Variants in CHST9 observed in about 807,000 individuals in gnomAD.
CHST9 encodes the protein GalNAc-4-sulfotransferase 2.
In CHST9, 41 loss-of-function variants were observed where a neutral mutation model predicts 44.4. That is an observed-to-expected ratio of 0.92 (90% CI 0.72 to 1.20). The LOEUF is 1.20. CHST9 is among the 50% of genes most tolerant of loss of function. CHST9 has a pLI of 0.00. For synonymous variants in CHST9, 171 were observed against 178.4 expected (o/e 0.96, Z 0.33); for missense variants, 504 against 516.5 (o/e 0.98, Z 0.23).
intron 1 of CHST9, among the ~76,000 whole-genome samples, chr18:27,172,856 T>C (rs2058843201): frequency 6.6e-6 from 1 of 152,050 alleles, no homozygotes; most frequent in African/African-American, 2.4e-5. Context: ...ACATGATATA[T>C]TGTATGTTAA....
chr18:26,922,803 T>G (rs1177327161), intron 5 of CHST9, among the ~76,000 whole-genome samples: 4 of 151,946 alleles, frequency 2.6e-5, no homozygotes, highest in Non-Finnish European at 5.9e-5. Flanking sequence ...ACCCGGCTAA[T>G]TTTTGTATTT....
intron 2 of CHST9, among the ~76,000 whole-genome samples, chr18:27,059,718 G>A (rs1398586584): frequency 6.6e-6 from 1 of 152,166 alleles, no homozygotes; most frequent in African/African-American, 2.4e-5. Flanking sequence ...ACTGGTGGAG[G>A]CCAGAGGTGA....
intron 2 of CHST9, among the ~76,000 whole-genome samples, chr18:27,062,626 T>A (rs550984901): frequency 6.6e-6 from 1 of 152,330 alleles, no homozygotes; most frequent in South Asian, 2.1e-4. Context: ...AACACACGTA[T>A]GCATGTGTCT....
intron 4 of CHST9, among the ~76,000 whole-genome samples, chr18:26,949,249 G>C (rs977547649): frequency 1.3e-5 from 2 of 152,196 alleles, no homozygotes; most frequent in Admixed American, 1.3e-4. Context: ...TTCTGAAGTA[G>C]GTTCTGGAGA....
At chr18:27,082,217 T>C (rs749228766) in intron 2 of CHST9, among the ~76,000 whole-genome samples, 17 of 152,240 alleles carry the variant, frequency 1.1e-4, no homozygotes, top group Non-Finnish European at 2.1e-4. Context: ...TTTTTAGTAC[T>C]GTCAAAATAA....
At chr18:27,171,241 A>G (rs2058831516) in intron 1 of CHST9, among the ~76,000 whole-genome samples, 1 of 152,184 alleles carries the variant, frequency 6.6e-6, no homozygotes, top group African/African-American at 2.4e-5. Flanking sequence ...ATGGAAAACA[A>G]TCAAAAAGTG....
At chr18:27,172,480 A>G (rs2058840697) in intron 1 of CHST9, among the ~76,000 whole-genome samples, 1 of 151,902 alleles carries the variant, frequency 6.6e-6, no homozygotes, top group South Asian at 2.1e-4. Context: ...CTGTTATATT[A>G]TTACCTTTAT....
At chr18:26,942,034 G>A (rs1338083264) in intron 5 of CHST9, among the ~76,000 whole-genome samples, 1 of 151,444 alleles carries the variant, frequency 6.6e-6, no homozygotes, top group Non-Finnish European at 1.5e-5. Flanking sequence ...AGGATTTAGC[G>A]GCAAGATTAA....
At chr18:27,115,516 CT>C (rs1193582791) in intron 2 of CHST9, among the ~76,000 whole-genome samples, 2 of 151,976 alleles carry the variant, frequency 1.3e-5, no homozygotes, top group East Asian at 3.9e-4. Flanking sequence ...TTTTGGCATA[CT>C]TGTTATCTTG....
rs1447685690 is a variant in CHST9, at chr18:26,915,010, T to C, written c.*1249A>G. 11 of 397,976 alleles carry C rather than the reference T, an allele frequency of 2.8e-5. No individual in the cohort carries two copies. In the Admixed American group the frequency reaches 4.4e-4, roughly 16 times the overall value. 24.7% of individuals were successfully genotyped at this position (397,976 alleles called of 1,614,324 possible). A position where few individuals can be genotyped will look rare whatever the true frequency, so the allele number is the denominator to read the frequency against. On this transcript the variant is annotated 3_prime_UTR_variant, in exon 6 of 6. Transcript: ENST00000618847. ...CCCAAGGGATCTAATTTAGGATCCC[T>C]TGGAAAAAAATTCCAAAATGCATTA...
At chr18:27,030,781 G>A (rs1309384133) in intron 3 of CHST9, among the ~76,000 whole-genome samples, 1 of 152,192 alleles carries the variant, frequency 6.6e-6, no homozygotes, top group Non-Finnish European at 1.5e-5. Flanking sequence ...GAAAAGGGGT[G>A]GAGGGCCTGA....
At chr18:26,975,850 G>T (rs2145181194) in intron 4 of CHST9, among the ~76,000 whole-genome samples, 1 of 149,920 alleles carries the variant, frequency 6.7e-6, no homozygotes, top group Admixed American at 6.8e-5. Flanking sequence ...TGAGGGAGGG[G>T]CACTGCAGAG....
At chr18:27,075,109 C>T in intron 2 of CHST9, among the ~76,000 whole-genome samples, 1 of 150,180 alleles carries the variant, frequency 6.7e-6, no homozygotes, top group African/African-American at 2.4e-5. Context: ...GCCTCTTTGA[C>T]TAGCGTATAT....
rs562443213 is a variant in CHST9, at chr18:27,080,539, C to T, written c.122-32036G>A. ...AATTTTACTTTTGTATTCTTTGGCA[C>T]CTCATGCTGAGTTGCATATAATAGG... On this transcript the variant is annotated intron_variant, in intron 2 of 5. Coordinates refer to ENST00000618847, the MANE Select transcript of CHST9 (RefSeq NM_031422.6). 5.3e-5 allele frequency among the ~76,000 whole-genome samples: 8 copies of T among 152,210 alleles called. No individual in the cohort carries two copies. In the East Asian group the frequency reaches 1.2e-3, roughly 22 times the overall value.
intron 5 of CHST9, among the ~76,000 whole-genome samples, chr18:26,936,966 C>T (rs2056004253): frequency 6.6e-6 from 1 of 152,172 alleles, no homozygotes; most frequent in Admixed American, 6.5e-5. Flanking sequence ...CACAATGACA[C>T]TGTTATTACT....
chr18:27,000,623 T>TCTAC (rs1555675556), intron 4 of CHST9, among the ~76,000 whole-genome samples: 1 of 10,724 alleles, frequency 9.3e-5, no homozygotes, highest in South Asian at 1.9e-3. Context: ...ATTTGTTTTG[T>TCTAC]CTATCTATCT....
At chr18:27,130,870 T>C (rs1267129384) in intron 2 of CHST9, among the ~76,000 whole-genome samples, 1 of 152,174 alleles carries the variant, frequency 6.6e-6, no homozygotes, top group East Asian at 1.9e-4. Context: ...GATAGATACC[T>C]TTCACATAAG....
chr18:27,125,872 G>A (rs1011125262), intron 2 of CHST9, among the ~76,000 whole-genome samples: 8 of 152,172 alleles, frequency 5.3e-5, no homozygotes, highest in African/African-American at 1.9e-4. Flanking sequence ...GGCTACCCAA[G>A]TGAGTTTCAA....
chr18:26,977,423 T>A (rs1349432991), intron 4 of CHST9, among the ~76,000 whole-genome samples: 1 of 100,528 alleles, frequency 9.9e-6, no homozygotes. Context: ...AAAGGTCACT[T>A]GTAAAAAAAA....
Sources: gnomAD v4.1 joint callset for allele counts (sites outside exome capture counted in the v4.1 genomes callset) on GRCh38, gnomAD v4.1.1 for gene constraint, MANE v1.5 for transcripts, NCBI Gene and HGNC (gene_info 2026-07-23, HGNC 2026-07-21) for gene names.